SEZ6: variants seen among roughly 807,000 people sequenced by gnomAD.
SEZ6 encodes seizure related 6 homolog.
Under a neutral mutation model 101.0 loss-of-function variants are expected in SEZ6, and 53 were observed. The observed-to-expected ratio is 0.52, with a 90% CI of 0.42 to 0.66. SEZ6 has a LOEUF of 0.66. SEZ6 is among the 30% of genes least tolerant of loss of function. The pLI is 0.00. For missense variants in SEZ6, 1,102 were observed against 1,289.4 expected (o/e 0.85, Z 2.23); for synonymous variants, 488 against 512.2 (o/e 0.95, Z 0.64).
rs367929313 is a variant in SEZ6 at position 28,995,963 on chromosome 17, C to T, written c.55+9852G>A. Among the ~76,000 whole-genome samples the T allele has an allele frequency of 8.5e-5, 13 of 152,076 alleles. 1 individual carries two copies. The South Asian group carries it at 2.7e-3, about 32-fold the overall frequency. Reference sequence around the variant, plus strand: ...CCTGACACTTTGAGCTCCTTTCTGCCTCTCCCAGCCTCTGTGTGGGAGACA... The same window carrying T: ...CCTGACACTTTGAGCTCCTTTCTGCTTCTCCCAGCCTCTGTGTGGGAGACA... On this transcript the variant is annotated intron_variant, in intron 1 of 16. Transcript: ENST00000317338.
Position 28,982,015 on chromosome 17 carries a change from A to T in SEZ6, c.80T>A (p.Val27Glu). The T allele has an allele frequency of 6.2e-7, 1 of 1,605,348 alleles. No individual in the cohort carries two copies. The highest frequency in any genetic ancestry group is 8.5e-7 in the Non-Finnish European group (1 of 1,175,890). ...AHGLSLEAPT[V>E]GKGQAPGIEE... ...GATGCCTGGGGCTTGTCCTTTCCCC[A>T]CGGTTGGGGCCTCTAAAGAGAGTCC... Residue 27 changes from valine (V) to glutamate (E), a missense_variant, in exon 2 of 17, where the codon GTG (valine) becomes GAG (glutamate). This residue lies in a region of SEZ6 where 406 missense variants were observed against 418.6 expected (regional missense o/e 0.97). Transcript: ENST00000317338.
At chr17:28,989,243 GA>G (rs1285847613) in intron 1 of SEZ6, among the ~76,000 whole-genome samples, 5 of 152,216 alleles carry the variant, frequency 3.3e-5, no homozygotes, top group African/African-American at 1.2e-4. Flanking sequence ...AGTGAACCAT[GA>G]AGGGCTCTAT....
chr17:28,965,633 T>A (rs1374391998), intron 4 of SEZ6, among the ~76,000 whole-genome samples: 2 of 152,000 alleles, frequency 1.3e-5, no homozygotes, highest in African/African-American at 4.8e-5. Context: ...AGTGAGTCCC[T>A]GTTTCGAAAA....
At position 28,959,269 on chromosome 17, in the gene SEZ6, T is replaced by A. The variant is rs1425403159; in HGVS notation, c.1911-48A>T. 1 of 1,613,018 alleles carries A rather than the reference T, an allele frequency of 6.2e-7. No homozygotes were observed. The highest frequency in any genetic ancestry group is 2.2e-5 in the East Asian group (1 of 44,868). ...CAGAGCCGGCCTGGGGGCCCGAGGA[T>A]GGGCTGGACAAGGGATATCCCCAGA... On this transcript the variant is annotated intron_variant, in intron 9 of 16. Transcript: ENST00000317338. The surrounding 1 kb of genome is among the most constrained non-coding windows in gnomAD (Gnocchi z 4.4).
At chr17:28,972,889 G>C (rs890770415) in intron 3 of SEZ6, among the ~76,000 whole-genome samples, 1 of 152,214 alleles carries the variant, frequency 6.6e-6, no homozygotes, top group Non-Finnish European at 1.5e-5. Context: ...CTTGAAGAGA[G>C]GAGCACTGGG....
intron 1 of SEZ6, among the ~76,000 whole-genome samples, chr17:29,003,937 C>T (rs529192658): frequency 6.6e-6 from 1 of 152,290 alleles, no homozygotes; most frequent in Admixed American, 6.5e-5. Flanking sequence ...TGAGCAGATT[C>T]CTCCTAACAC....
At chr17:28,977,710 G>T (rs941849511) in intron 3 of SEZ6, among the ~76,000 whole-genome samples, 2 of 152,030 alleles carry the variant, frequency 1.3e-5, no homozygotes, top group South Asian at 4.2e-4. Context: ...GGTAGGCTTG[G>T]GGGGGGCAGA....
At chr17:28,990,637 C>T (rs2041443494) in intron 1 of SEZ6, among the ~76,000 whole-genome samples, 1 of 152,124 alleles carries the variant, frequency 6.6e-6, no homozygotes, top group South Asian at 2.1e-4. Context: ...CCTGCGGCCC[C>T]CACCCAGAAG....
At chr17:28,964,529 C>T (rs1428074862) in intron 4 of SEZ6, among the ~76,000 whole-genome samples, 2 of 152,188 alleles carry the variant, frequency 1.3e-5, no homozygotes, top group African/African-American at 2.4e-5. Flanking sequence ...CTTGGTATCT[C>T]TGGTACCCAG....
At chr17:28,961,002 A>G in intron 5 of SEZ6, 29 bp from the exon 6 acceptor site, 3 of 1,595,534 alleles carry the variant, frequency 1.9e-6, no homozygotes, top group Non-Finnish European at 2.6e-6. Context: ...GACGTAGGCT[A>G]GGCCCCTGCC....
At chr17:28,974,126 C>T (rs1287644409) in intron 3 of SEZ6, among the ~76,000 whole-genome samples, 9 of 152,198 alleles carry the variant, frequency 5.9e-5, no homozygotes, top group Non-Finnish European at 1.0e-4. Flanking sequence ...GCCCTAATGG[C>T]GTAACCCACA....
At chr17:28,976,370 C>G (rs940854017) in intron 3 of SEZ6, among the ~76,000 whole-genome samples, 1 of 152,218 alleles carries the variant, frequency 6.6e-6, no homozygotes, top group Non-Finnish European at 1.5e-5. Context: ...GCTAGGGTCC[C>G]AGCATGGTGT....
intron 1 of SEZ6, among the ~76,000 whole-genome samples, chr17:28,999,275 A>G (rs1157732289): frequency 6.6e-6 from 1 of 152,122 alleles, no homozygotes. Flanking sequence ...ACTGTAGGGG[A>G]TGAGTGACAC....
At position 28,955,310 on chromosome 17, in the gene SEZ6, A is replaced by G. The variant is rs1598174015; in HGVS notation, c.*652T>C. ...AATGGCGTGTCCTGCTTTGGTGTGG[A>G]GCATGAGTGCCCAGGGAAGCCCAAC... On this transcript the variant is annotated 3_prime_UTR_variant, in exon 17 of 17. Transcript: ENST00000317338. 4 of 246,462 alleles carry G rather than the reference A, an allele frequency of 1.6e-5. No homozygotes were observed. In the Admixed American group the frequency reaches 1.9e-4, roughly 12 times the overall value. The allele number at this position is 246,462 out of a possible 1,614,324, so 15.3% of individuals were successfully genotyped here. A position where few individuals can be genotyped will look rare whatever the true frequency, so the allele number is the denominator to read the frequency against.
rs946964541 is a variant in SEZ6 at position 28,962,413 on chromosome 17, C to T, written c.1241-1440G>A. Among the ~76,000 whole-genome samples the T allele has an allele frequency of 2.0e-5, 3 of 152,188 alleles. No homozygotes were observed. In the South Asian group the frequency reaches 6.2e-4, roughly 32 times the overall value. Reference sequence around the variant, plus strand: ...CTTGCCAGCCTCCCCGCTAGATCCTCGAGGGCTGAGAAAGCATCTGTGTTA... The same window carrying T: ...CTTGCCAGCCTCCCCGCTAGATCCTTGAGGGCTGAGAAAGCATCTGTGTTA... On this transcript the variant is annotated intron_variant, in intron 5 of 16. Coordinates refer to ENST00000317338, the MANE Select transcript of SEZ6 (RefSeq NM_178860.5).
chr17:28,982,098 C>T (rs992750164), intron 1 of SEZ6, 59 bp from the exon 2 acceptor site: 1 of 1,501,074 alleles, frequency 6.7e-7, no homozygotes, highest in African/African-American at 1.4e-5. Flanking sequence ...AGCATCACGC[C>T]CAACTCGAGT....
chr17:28,962,073 A>G (rs1206471773), intron 5 of SEZ6, among the ~76,000 whole-genome samples: 2 of 152,122 alleles, frequency 1.3e-5, no homozygotes, highest in Non-Finnish European at 2.9e-5. Context: ...TAAAGCTGAA[A>G]ATGGTGTTCA....
chr17:28,960,775 C>A, intron 6 of SEZ6, 30 bp downstream of exon 6: 1 of 1,612,938 alleles, frequency 6.2e-7, no homozygotes, highest in Non-Finnish European at 8.5e-7. Flanking sequence ...CCAGGCCAGG[C>A]ACTCCCATTC....
chr17:28,973,185 CAG>C (rs1444954926), intron 3 of SEZ6, among the ~76,000 whole-genome samples: 1 of 152,168 alleles, frequency 6.6e-6, no homozygotes, highest in Non-Finnish European at 1.5e-5. Context: ...CCACCAGTAA[CAG>C]AGGCTCAGAG....
Sources: gnomAD v4.1 joint callset for allele counts (sites outside exome capture counted in the v4.1 genomes callset) on GRCh38, gnomAD v4.1.1 for gene constraint, gnomAD v4.1.1 regional missense constraint, Gnocchi (gnomAD v3.1) non-coding constraint, MANE v1.5 for transcripts, NCBI Gene and HGNC (gene_info 2026-07-23, HGNC 2026-07-21) for gene names.